Variants in FANCA observed in about 807,000 individuals in gnomAD.
FANCA encodes the protein FA complementation group A.
In FANCA, 236 loss-of-function variants were observed where a neutral mutation model predicts 194.3. That is an observed-to-expected ratio of 1.21 (90% CI 1.09 to 1.35). The LOEUF (loss-of-function observed/expected upper bound fraction) is 1.35. Among genes scored for constraint, FANCA ranks in the 40% most tolerant of loss-of-function variants. The pLI is 0.00. For missense variants in FANCA, 2,628 were observed against 1,813.9 expected (o/e 1.45, Z -8.15); for synonymous variants, 1,014 against 715.8 (o/e 1.42, Z -6.65).
chr16:89,758,680 G>A lies in FANCA; in HGVS notation c.2878C>T (p.His960Tyr), dbSNP rs923046981. The change falls in exon 30 of 43, where the codon CAT (histidine) becomes TAT (tyrosine). Residue 960 changes from histidine to tyrosine, a missense_variant. Transcript: ENST00000389301. Reference sequence around the variant, plus strand: ...GAGGACTCAGGGAGAAAGTGCTCATGGATCGCCCACTGGTGGAAGTCCTGC... The same window carrying A: ...GAGGACTCAGGGAGAAAGTGCTCATAGATCGCCCACTGGTGGAAGTCCTGC... ...ERQDFHQWAI[H>Y]EHFLPESSAS... 2 of 1,613,806 alleles carry A rather than the reference G, an allele frequency of 1.2e-6. No individual in the cohort carries two copies. The highest frequency in any genetic ancestry group is 1.3e-5 in the African/African-American group (1 of 74,918).
chr16:89,797,897 AAAATAAAT>A (rs71137676), intron 10 of FANCA, among the ~76,000 whole-genome samples: 2 of 151,890 alleles, frequency 1.3e-5, no homozygotes, highest in African/African-American at 2.4e-5. Context: ...CTCTGTCTCA[AAAATAAAT>A]AAATAAATAA....
chr16:89,778,773 T>G, intron 20 of FANCA, 28 bp downstream of exon 20: 1 of 1,605,838 alleles, frequency 6.2e-7, no homozygotes, highest in Admixed American at 1.7e-5. Flanking sequence ...CTGGAAGTAG[T>G]CATCCCCTTC....
intron 20 of FANCA, among the ~76,000 whole-genome samples, chr16:89,777,040 T>C (rs755470018): frequency 6.6e-6 from 1 of 152,084 alleles, no homozygotes; most frequent in African/African-American, 2.4e-5. Flanking sequence ...CGAAAATCCG[T>C]GTCCTCAAAG....
chr16:89,741,018 G>C (rs1249100001), intron 37 of FANCA, 152 bp from the exon 38 acceptor site: 2 of 705,306 alleles, frequency 2.8e-6, no homozygotes, highest in Non-Finnish European at 5.1e-6. Context: ...ATCACTTCTA[G>C]AGAGACAGCT....
At chr16:89,771,322 G>A (rs1009375592) in intron 23 of FANCA, among the ~76,000 whole-genome samples, 4 of 151,928 alleles carry the variant, frequency 2.6e-5, no homozygotes, top group Non-Finnish European at 5.9e-5. Context: ...AGCCGGGTGT[G>A]GTGATGCACG....
chr16:89,739,842 A>G (rs957300434), intron 39 of FANCA, 152 bp downstream of exon 39: 9 of 1,502,570 alleles, frequency 6.0e-6, no homozygotes, highest in Non-Finnish European at 8.0e-6. Flanking sequence ...TTATTGCTTT[A>G]AACAAGTTTG....
chr16:89,751,010 G>A (rs940526381), intron 31 of FANCA, among the ~76,000 whole-genome samples: 5 of 152,144 alleles, frequency 3.3e-5, no homozygotes, highest in Non-Finnish European at 7.4e-5. Context: ...TCCTAAGTCA[G>A]CTTCCTGAGT....
At chr16:89,794,237 ATTTCAAT>A (rs2040169723) in intron 11 of FANCA, among the ~76,000 whole-genome samples, 1 of 151,392 alleles carries the variant, frequency 6.6e-6, no homozygotes, top group African/African-American at 2.4e-5. Context: ...TACCAACTGC[ATTTCAAT>A]TTTCCTGCTT....
In FANCA at chr16:89,816,581, C is replaced by G. The variant is rs899666953; in HGVS notation, c.35G>C (p.Gly12Ala). 1.3e-6 allele frequency: 2 copies of G among 1,525,264 alleles called. No individual in the cohort carries two copies. Among genetic ancestry groups the G allele is most frequent in the African/African-American group, 1.4e-5 (1 of 70,432 alleles). 94.5% of individuals were successfully genotyped at this position (1,525,264 alleles called of 1,614,324 possible). A position where few individuals can be genotyped will look rare whatever the true frequency, so the allele number is the denominator to read the frequency against. Residue 12 changes from glycine (G) to alanine (A), a missense_variant, in exon 1 of 43, where the codon GGC (glycine) becomes GCC (alanine). Transcript: ENST00000389301. Reference sequence around the variant, plus strand: ...CCTCCGGCGGCCCCCTGGGTCCTGGCCCGAGGCGGAGTTCGGGACCCACGA... The same window carrying G: ...CCTCCGGCGGCCCCCTGGGTCCTGGGCCGAGGCGGAGTTCGGGACCCACGA... Reference protein sequence around the residue: ...SDSWVPNSASGQDPGGRRRAW... With the variant: ...SDSWVPNSASAQDPGGRRRAW...
chr16:89,770,661 T>C, intron 23 of FANCA, 27 bp from the exon 24 acceptor site: 1 of 1,581,214 alleles, frequency 6.3e-7, no homozygotes, highest in Non-Finnish European at 8.6e-7. Flanking sequence ...CTCATGAGCG[T>C]GGTGTCCTGG....
At chr16:89,739,604 T>G in intron 39 of FANCA, 51 bp from the exon 40 acceptor site, 1 of 1,540,952 alleles carries the variant, frequency 6.5e-7, no homozygotes, top group South Asian at 1.2e-5. Context: ...CTGCCTATTA[T>G]CAGTGCTGGG....
intron 36 of FANCA, among the ~76,000 whole-genome samples, chr16:89,744,273 T>G (rs1007048476): frequency 1.3e-5 from 2 of 152,102 alleles, no homozygotes; most frequent in African/African-American, 4.8e-5. Context: ...TCAAAACTAG[T>G]CACAAAGTAA....
At chr16:89,816,415 C>A (rs1368083319) in intron 1 of FANCA, 122 bp downstream of exon 1, 5 of 875,286 alleles carry the variant, frequency 5.7e-6, no homozygotes, top group Non-Finnish European at 7.8e-6. Flanking sequence ...CCCGCACAGC[C>A]CCCCGGGCGC....
At chr16:89,771,639 G>A (rs1462148610) in intron 23 of FANCA, 39 bp downstream of exon 23, 1 of 1,612,042 alleles carries the variant, frequency 6.2e-7, no homozygotes, top group South Asian at 1.1e-5. Flanking sequence ...ATGGAAAATG[G>A]TGAAGACCCC....
chr16:89,741,690 TCTCCCA>T (rs2062137347), intron 37 of FANCA, among the ~76,000 whole-genome samples: 1 of 152,088 alleles, frequency 6.6e-6, no homozygotes, highest in Admixed American at 6.5e-5. Context: ...AAGAGCAGCC[TCTCCCA>T]CTCCTTTCCC....
chr16:89,779,305 A>G (rs2039622649), intron 18 of FANCA, among the ~76,000 whole-genome samples: 1 of 152,132 alleles, frequency 6.6e-6, no homozygotes, highest in Non-Finnish European at 1.5e-5. Context: ...ATTTCCTTGG[A>G]GCTAAATTTC....
chr16:89,801,089 T>TA (rs1337792033), intron 8 of FANCA, among the ~76,000 whole-genome samples: 2 of 147,752 alleles, frequency 1.4e-5, no homozygotes, highest in Non-Finnish European at 3.0e-5. Context: ...CCCACGCCTA[T>TA]AATCCCAACA....
At chr16:89,800,369 G>C (rs1555567669) in intron 8 of FANCA, among the ~76,000 whole-genome samples, 1 of 152,192 alleles carries the variant, frequency 6.6e-6, no homozygotes, top group Non-Finnish European at 1.5e-5. Flanking sequence ...GCAACTCATG[G>C]TAACAATAAA....
intron 13 of FANCA, 167 bp from the exon 14 acceptor site, chr16:89,791,703 G>C (rs940698214): frequency 1.9e-6 from 2 of 1,071,342 alleles, no homozygotes; most frequent in Non-Finnish European, 1.4e-6. Flanking sequence ...CAAACCACTA[G>C]AGACCTGAAT....
Sources: gnomAD v4.1 joint callset for allele counts (sites outside exome capture counted in the v4.1 genomes callset) on GRCh38, gnomAD v4.1.1 for gene constraint, MANE v1.5 for transcripts, NCBI Gene and HGNC (gene_info 2026-07-23, HGNC 2026-07-21) for gene names.